Variants in ZRANB3 observed in about 807,000 individuals in gnomAD.
ZRANB3 encodes the protein DNA annealing helicase and endonuclease ZRANB3.
Under a neutral mutation model 133.8 loss-of-function variants are expected in ZRANB3, and 125 were observed. The observed-to-expected ratio is 0.93, with a 90% CI of 0.81 to 1.08. The LOEUF (loss-of-function observed/expected upper bound fraction) is 1.08, where lower values mean the gene tolerates loss of function less well. Among genes scored for constraint, ZRANB3 ranks in the 50% least tolerant of loss-of-function variants. ZRANB3 has a pLI of 0.00. For synonymous variants in ZRANB3, 387 were observed against 432.7 expected (o/e 0.89, Z 1.31); for missense variants, 1,229 against 1,275.5 (o/e 0.96, Z 0.56).
At chr2:135,399,904 A>G (rs1244045428) in intron 2 of ZRANB3, among the ~76,000 whole-genome samples, 1 of 152,086 alleles carries the variant, frequency 6.6e-6, no homozygotes, top group Non-Finnish European at 1.5e-5. Flanking sequence ...AGGTTTTCGT[A>G]TTTTTCTCAA....
chr2:135,297,924 C>T (rs1391833380), intron 8 of ZRANB3, among the ~76,000 whole-genome samples: 1 of 151,948 alleles, frequency 6.6e-6, no homozygotes, highest in Non-Finnish European at 1.5e-5. Context: ...TGTCCATATC[C>T]TGTATTGTTT....
intron 2 of ZRANB3, among the ~76,000 whole-genome samples, chr2:135,469,650 T>C (rs1175094656): frequency 6.6e-6 from 1 of 152,172 alleles, no homozygotes; most frequent in African/African-American, 2.4e-5. Context: ...CAAAAAATTC[T>C]CCATACAAAC....
intron 12 of ZRANB3, among the ~76,000 whole-genome samples, chr2:135,265,147 GTC>G (rs1680167827): frequency 6.6e-6 from 1 of 152,074 alleles, no homozygotes; most frequent in African/African-American, 2.4e-5. Context: ...TCTTTACTGA[GTC>G]TGTGATTTAT....
At chr2:135,524,705 A>G (rs1429785010) in intron 1 of ZRANB3, among the ~76,000 whole-genome samples, 2 of 152,190 alleles carry the variant, frequency 1.3e-5, no homozygotes, top group Non-Finnish European at 2.9e-5. Context: ...AATTAAGATA[A>G]TGGGTATGGT....
At chr2:135,403,781 AT>A (rs1454630239) in intron 2 of ZRANB3, among the ~76,000 whole-genome samples, 1 of 152,040 alleles carries the variant, frequency 6.6e-6, no homozygotes, top group Non-Finnish European at 1.5e-5. Flanking sequence ...TGGCAGCAAC[AT>A]TTGCTGTTCA....
intron 2 of ZRANB3, among the ~76,000 whole-genome samples, chr2:135,500,571 G>A (rs1447258297): frequency 6.6e-6 from 1 of 152,062 alleles, no homozygotes; most frequent in African/African-American, 2.4e-5. Flanking sequence ...TATAACGTTA[G>A]AAGTCAGGAT....
chr2:135,397,230 C>T (rs765788998), intron 2 of ZRANB3, among the ~76,000 whole-genome samples: 1 of 151,944 alleles, frequency 6.6e-6, no homozygotes, highest in South Asian at 2.1e-4. Flanking sequence ...ATCACTTTAG[C>T]GTACCAATCT....
At chr2:135,261,068 T>G (rs1294885089) in intron 12 of ZRANB3, among the ~76,000 whole-genome samples, 1 of 150,924 alleles carries the variant, frequency 6.6e-6, no homozygotes, top group African/African-American at 2.4e-5. Flanking sequence ...CAATTAGAAC[T>G]GATAAAAATT....
chr2:135,326,556 G>A (rs897254826), intron 6 of ZRANB3, among the ~76,000 whole-genome samples: 17 of 151,980 alleles, frequency 1.1e-4, no homozygotes, highest in African/African-American at 3.4e-4. Flanking sequence ...ATGGTGGTTT[G>A]CTGCACCTAT....
chr2:135,251,282 T>C (rs1391511514), intron 12 of ZRANB3, among the ~76,000 whole-genome samples: 5 of 152,222 alleles, frequency 3.3e-5, no homozygotes, highest in African/African-American at 7.2e-5. Flanking sequence ...AGCTTGCTTT[T>C]GATTTTATAG....
intron 2 of ZRANB3, among the ~76,000 whole-genome samples, chr2:135,441,776 G>C (rs575086378): frequency 6.6e-6 from 1 of 151,878 alleles, no homozygotes; most frequent in African/African-American, 2.4e-5. Flanking sequence ...ATAATTCCTA[G>C]AGCAACAATT....
At chr2:135,324,129 G>A (rs1214559613) in intron 6 of ZRANB3, among the ~76,000 whole-genome samples, 6 of 151,826 alleles carry the variant, frequency 4.0e-5, no homozygotes, top group East Asian at 1.9e-4. Context: ...TGTGCACAAC[G>A]TGGAGGTTTG....
intron 6 of ZRANB3, 43 bp from the exon 7 acceptor site, chr2:135,315,573 G>A (rs746595791): frequency 7.6e-7 from 1 of 1,321,964 alleles, no homozygotes; most frequent in Admixed American, 3.6e-5. Context: ...TTGAATGCTG[G>A]AGTTAAGAAA....
intron 15 of ZRANB3, among the ~76,000 whole-genome samples, chr2:135,220,473 G>T (rs142244122): frequency 0.011 from 1,636 of 152,038 alleles, 27 homozygotes; most frequent in African/African-American, 0.037. Context: ...GCCGAGGCAG[G>T]AGGACCACGA....
intron 3 of ZRANB3, among the ~76,000 whole-genome samples, chr2:135,359,463 A>G (rs1685576146): frequency 6.6e-6 from 1 of 151,948 alleles, no homozygotes; most frequent in African/African-American, 2.4e-5. Flanking sequence ...ATGTGCCTAC[A>G]GTCCAACTAA....
chr2:135,511,802 T>C (rs745715520), intron 1 of ZRANB3: 8 of 761,118 alleles, frequency 1.1e-5, no homozygotes, highest in African/African-American at 3.4e-5. Context: ...AGCTTTCTAT[T>C]TGAATCCAAT....
At chr2:135,232,251 C>G (rs1695059461) in intron 12 of ZRANB3, among the ~76,000 whole-genome samples, 1 of 152,190 alleles carries the variant, frequency 6.6e-6, no homozygotes, top group Non-Finnish European at 1.5e-5. Context: ...GGGAGGGGCG[C>G]CTGCCATTGC....
intron 8 of ZRANB3, among the ~76,000 whole-genome samples, chr2:135,281,502 T>C (rs901378836): frequency 2.6e-5 from 4 of 152,158 alleles, no homozygotes; most frequent in African/African-American, 9.7e-5. Flanking sequence ...ACATCCTCCC[T>C]GACAAAGGCA....
At chr2:135,469,283 C>T (rs968020468) in intron 2 of ZRANB3, among the ~76,000 whole-genome samples, 6 of 151,762 alleles carry the variant, frequency 4.0e-5, no homozygotes, top group Non-Finnish European at 1.5e-5. Context: ...ATGTGATAAA[C>T]ATATACATCC....
Sources: allele counts gnomAD v4.1 joint callset (sites outside exome capture counted in the v4.1 genomes callset), GRCh38; gene constraint gnomAD v4.1.1; transcripts MANE v1.5; gene names NCBI Gene and HGNC (gene_info 2026-07-23, HGNC 2026-07-21).